Variants in FBXL7 observed in about 807,000 individuals in gnomAD.
The protein encoded by FBXL7 is F-box/LRR-repeat protein 7.
In FBXL7, 12 loss-of-function variants were observed where a neutral mutation model predicts 38.3. That is an observed-to-expected ratio of 0.31 (90% CI 0.20 to 0.51). The LOEUF is 0.51. Ranked by LOEUF, FBXL7 falls within the 20% of genes least tolerant of loss-of-function variation. FBXL7 has a pLI of 0.98. For synonymous variants in FBXL7, 297 were observed against 300.9 expected, an observed-to-expected ratio of 0.99 and a Z score of 0.13; for missense variants, 567 against 676.4, an observed-to-expected ratio of 0.84 and a Z score of 1.79.
intron 2 of FBXL7, among the ~76,000 whole-genome samples, chr5:15,794,792 CA>C (rs897779444): frequency 3.9e-5 from 6 of 152,014 alleles, no homozygotes; most frequent in East Asian, 1.9e-4. Context: ...TGCCTTACAA[CA>C]AAAAAGCTAT....
chr5:15,794,429 G>T lies in FBXL7; in HGVS notation c.128-133461G>T, dbSNP rs562865584. On this transcript the variant is annotated intron_variant, in intron 2 of 3. Coordinates refer to ENST00000504595, the MANE Select transcript of FBXL7 (RefSeq NM_012304.5). Reference sequence around the variant, plus strand: ...GTTTGCCAAATGTTTTTGTTTTAAGGCCATCAGCATTTTATAGGCTCCTAT... The same window carrying T: ...GTTTGCCAAATGTTTTTGTTTTAAGTCCATCAGCATTTTATAGGCTCCTAT... 2.7e-3 allele frequency among the ~76,000 whole-genome samples: 410 copies of T among 152,212 alleles called. 2 individuals are homozygous for T. Among genetic ancestry groups the T allele is most frequent in the African/African-American group, 9.4e-3 (391 of 41,536 alleles).
At chr5:15,764,185 T>C (rs1419904601) in intron 2 of FBXL7, among the ~76,000 whole-genome samples, 1 of 152,206 alleles carries the variant, frequency 6.6e-6, no homozygotes, top group African/African-American at 2.4e-5. Context: ...AGTATCAATA[T>C]GTTGTTGGAA....
chr5:15,845,567 T>A (rs1738871713), intron 2 of FBXL7, among the ~76,000 whole-genome samples: 1 of 152,058 alleles, frequency 6.6e-6, no homozygotes, highest in South Asian at 2.1e-4. Context: ...TTCAAATAAT[T>A]AAGATACAGC....
intron 1 of FBXL7, among the ~76,000 whole-genome samples, chr5:15,573,595 G>T (rs186512295): frequency 1.3e-5 from 2 of 152,198 alleles, no homozygotes; most frequent in Non-Finnish European, 2.9e-5. Flanking sequence ...AGAAGTCACA[G>T]TTTGGAATTT....
chr5:15,595,377 T>C (rs993952473), intron 1 of FBXL7, among the ~76,000 whole-genome samples: 1 of 152,112 alleles, frequency 6.6e-6, no homozygotes, highest in Non-Finnish European at 1.5e-5. Context: ...CAGTGCTGCA[T>C]GTGACGAGTG....
intron 1 of FBXL7, among the ~76,000 whole-genome samples, chr5:15,570,400 G>C (rs923767768): frequency 1.3e-5 from 2 of 152,198 alleles, no homozygotes; most frequent in Admixed American, 1.3e-4. Flanking sequence ...AGTATTCTCT[G>C]ATCGTAGTTT....
chr5:15,645,742 C>T (rs1359499506), intron 2 of FBXL7, among the ~76,000 whole-genome samples: 1 of 152,194 alleles, frequency 6.6e-6, no homozygotes, highest in African/African-American at 2.4e-5. Context: ...TGAAAAGTAT[C>T]ATTGTAACTC....
chr5:15,524,969 A>C (rs1737207800), intron 1 of FBXL7, among the ~76,000 whole-genome samples: 1 of 152,194 alleles, frequency 6.6e-6, no homozygotes, highest in Non-Finnish European at 1.5e-5. Context: ...ACTAGGTTCA[A>C]AGTTCCCAGG....
In FBXL7 at chr5:15,852,097, A is replaced by G. The variant is rs147285082; in HGVS notation, c.128-75793A>G. On this transcript the variant is annotated intron_variant, in intron 2 of 3. Transcript: ENST00000504595. ...GTGTAGGGAGCTGACATCTTGGTGA[A>G]AAGTCCTTCAGTACATGCTAGATCA... 2.4e-3 allele frequency among the ~76,000 whole-genome samples: 368 copies of G among 152,188 alleles called. 6 individuals are homozygous for G. Among genetic ancestry groups the G allele is most frequent in the Admixed American group, 0.021 (320 of 15,278 alleles).
rs772507691 is a variant in FBXL7 at position 15,928,906 on chromosome 5, C to A, written c.739+405C>A. ...TTTTGCCTGGGAGTTGAGGTTAGTACGACTTTTAAATGTCTTTACTCTTCA... is the reference window on the plus strand; with the variant it reads ...TTTTGCCTGGGAGTTGAGGTTAGTAAGACTTTTAAATGTCTTTACTCTTCA... On this transcript the variant is annotated intron_variant, in intron 3 of 3. Coordinates refer to ENST00000504595, the MANE Select transcript of FBXL7 (RefSeq NM_012304.5). The surrounding 1 kb of genome is among the most constrained non-coding windows in gnomAD (Gnocchi z 4.0). Among the ~76,000 whole-genome samples, 1 of 152,088 alleles carries A rather than the reference C, an allele frequency of 6.6e-6. No individual in the cohort carries two copies. Among genetic ancestry groups the A allele is most frequent in the Non-Finnish European group, 1.5e-5 (1 of 68,028 alleles).
intron 2 of FBXL7, among the ~76,000 whole-genome samples, chr5:15,722,940 A>AAAAAAAAAAG (rs1561100210): frequency 6.6e-6 from 1 of 151,324 alleles, no homozygotes; most frequent in East Asian, 1.9e-4. Flanking sequence ...CAAAAAAAAA[A>AAAAAAAAAAG]AGAGAGAAGA....
chr5:15,905,628 GA>G (rs2126417946), intron 2 of FBXL7, among the ~76,000 whole-genome samples: 1 of 152,036 alleles, frequency 6.6e-6, no homozygotes, highest in Non-Finnish European at 1.5e-5. Flanking sequence ...AAATCTTGAA[GA>G]AAGCTCAGGC....
chr5:15,634,049 A>G (rs1294945117), intron 2 of FBXL7, among the ~76,000 whole-genome samples: 2 of 151,640 alleles, frequency 1.3e-5, no homozygotes, highest in South Asian at 2.1e-4. Context: ...CCAAAGTGCT[A>G]GGATTACAGG....
At chr5:15,802,909 T>C (rs937796371) in intron 2 of FBXL7, among the ~76,000 whole-genome samples, 3 of 152,184 alleles carry the variant, frequency 2.0e-5, no homozygotes, top group African/African-American at 7.2e-5. Flanking sequence ...TGCCTCAGCC[T>C]CCTGAAGTGC....
At chr5:15,653,292 T>C (rs1053388278) in intron 2 of FBXL7, among the ~76,000 whole-genome samples, 10 of 152,302 alleles carry the variant, frequency 6.6e-5, no homozygotes, top group African/African-American at 2.4e-4. Context: ...TTGCCACAAA[T>C]CTTCAATTTG....
At chr5:15,760,875 A>C (rs1736422296) in intron 2 of FBXL7, among the ~76,000 whole-genome samples, 1 of 152,178 alleles carries the variant, frequency 6.6e-6, no homozygotes, top group South Asian at 2.1e-4. Flanking sequence ...CCACTTAGCA[A>C]AATGTCAAAT....
Position 15,797,697 on chromosome 5 carries a change from TA to T in FBXL7, c.128-130189del, listed in dbSNP as rs565332101. Among the ~76,000 whole-genome samples the T allele has an allele frequency of 2.8e-3, 430 of 152,330 alleles. 2 individuals are homozygous for T. The highest frequency in any genetic ancestry group is 2.1e-3 in the Non-Finnish European group (142 of 68,034). Reference sequence around the variant, plus strand: ...AATATGCAGCATTTTAACCTTGATCTAAAATCAGTATTCTTTGAATGGTTAC... The same window carrying T: ...AATATGCAGCATTTTAACCTTGATCTAAATCAGTATTCTTTGAATGGTTAC... On this transcript the variant is annotated intron_variant, in intron 2 of 3. Coordinates refer to ENST00000504595, the MANE Select transcript of FBXL7 (RefSeq NM_012304.5).
chr5:15,587,766 T>C (rs1739344980), intron 1 of FBXL7, among the ~76,000 whole-genome samples: 1 of 152,220 alleles, frequency 6.6e-6, no homozygotes, highest in African/African-American at 2.4e-5. Context: ...AATGTATTTT[T>C]ATTCATCCAG....
intron 2 of FBXL7, among the ~76,000 whole-genome samples, chr5:15,617,388 AGGTAATG>A (rs1740489319): frequency 6.6e-6 from 1 of 152,088 alleles, no homozygotes; most frequent in African/African-American, 2.4e-5. Flanking sequence ...AATTCAGTTA[AGGTAATG>A]TACAAATCTC....
Sources: gnomAD v4.1 joint callset for allele counts (sites outside exome capture counted in the v4.1 genomes callset) on GRCh38, gnomAD v4.1.1 for gene constraint, Gnocchi (gnomAD v3.1) non-coding constraint, MANE v1.5 for transcripts, NCBI Gene and HGNC (gene_info 2026-07-23, HGNC 2026-07-21) for gene names.